The following CEP162 variants were observed in gnomAD, a reference collection of about 807,000 sequenced individuals.
CEP162 encodes centrosomal protein 162.
Under a neutral mutation model 169.2 loss-of-function variants are expected in CEP162, and 141 were observed. The ratio of observed to expected loss-of-function variants is 0.83; its 90% CI spans 0.73 to 0.96. The LOEUF (loss-of-function observed/expected upper bound fraction) is 0.96, where lower values mean the gene tolerates loss of function less well. Among genes scored for constraint, CEP162 ranks in the 40% least tolerant of loss-of-function variants. The pLI, the probability that CEP162 is intolerant of heterozygous loss-of-function variation, is 0.00. For synonymous variants in CEP162, 540 were observed against 526.4 expected, an observed-to-expected ratio of 1.03 and a Z score of -0.35; for missense variants, 1,600 against 1,587.2, an observed-to-expected ratio of 1.01 and a Z score of -0.14.
chr6:84,185,480 CTAAA>C (rs773055015), intron 12 of CEP162, 32 bp from the exon 13 acceptor site: 4 of 1,547,202 alleles, frequency 2.6e-6, no homozygotes, highest in South Asian at 1.2e-5. Flanking sequence ...TCTTTAGTAC[CTAAA>C]TAAACTTTAA....
intron 22 of CEP162, among the ~76,000 whole-genome samples, 167 bp downstream of exon 22, chr6:84,155,131 C>G (rs186544412): frequency 3.0e-4 from 46 of 152,206 alleles, no homozygotes; most frequent in African/African-American, 1.0e-3. Context: ...TGCTGAAAGA[C>G]GACACCAAAA....
intron 4 of CEP162, 26 bp downstream of exon 4, chr6:84,215,750 C>A: frequency 1.3e-6 from 2 of 1,553,172 alleles, no homozygotes; most frequent in South Asian, 1.2e-5. Context: ...AATAATTTAC[C>A]AACTCATATC....
At chr6:84,204,263 A>T (rs1455852562) in intron 6 of CEP162, among the ~76,000 whole-genome samples, 167 bp from the exon 7 acceptor site, 2 of 152,244 alleles carry the variant, frequency 1.3e-5, no homozygotes, top group Non-Finnish European at 2.9e-5. Context: ...AGCCCAAATC[A>T]ACAGGATATA....
At chr6:84,197,825 C>CAAA (rs564556727) in intron 9 of CEP162, among the ~76,000 whole-genome samples, 5 of 64,176 alleles carry the variant, frequency 7.8e-5, no homozygotes, top group African/African-American at 2.1e-4. Flanking sequence ...TCAAACAAAA[C>CAAA]AAAAAAAAAA....
Position 84,186,563 on chromosome 6 carries a change from C to A in CEP162, c.1170G>T (p.Met390Ile). Residue 390 changes from methionine (M) to isoleucine (I), a missense_variant, in exon 12 of 27, where the codon ATG becomes ATT. By Grantham distance (10) the Met-to-Ile change is conservative. Coordinates refer to ENST00000403245, the MANE Select transcript of CEP162 (RefSeq NM_014895.4). ...TEFFSSLPLK[M>I]NPNILSQDSQ... ...AGTCTTGAGACAAAATATTTGGGTTCATCTTCAGGGGTAAAGAGCTAAAAA... is the reference window on the plus strand; with the variant it reads ...AGTCTTGAGACAAAATATTTGGGTTAATCTTCAGGGGTAAAGAGCTAAAAA... The A allele has an allele frequency of 6.2e-7, 1 of 1,612,368 alleles. No individual in the cohort carries two copies. Among genetic ancestry groups the A allele is most frequent in the South Asian group, 1.1e-5 (1 of 90,872 alleles).
chr6:84,215,519 G>C, intron 4 of CEP162, 54 bp from the exon 5 acceptor site: 2 of 1,328,214 alleles, frequency 1.5e-6, no homozygotes, highest in Non-Finnish European at 2.0e-6. Flanking sequence ...TGAAAACATT[G>C]ATTTGAATGA....
chr6:84,226,502 G>A, intron 1 of CEP162, 50 bp from the exon 2 acceptor site: 1 of 801,086 alleles, frequency 1.2e-6, no homozygotes, highest in Non-Finnish European at 2.0e-6. Context: ...ATCAGATCAT[G>A]AACACGACCA....
At chr6:84,211,902 A>T (rs1257797555) in intron 6 of CEP162, among the ~76,000 whole-genome samples, 1 of 151,966 alleles carries the variant, frequency 6.6e-6, no homozygotes, top group Non-Finnish European at 1.5e-5. Context: ...TGCCAAAAAA[A>T]AAAAAGGATA....
intron 20 of CEP162, among the ~76,000 whole-genome samples, chr6:84,161,248 CAG>C (rs1301505362): frequency 2.0e-5 from 3 of 152,022 alleles, no homozygotes; most frequent in African/African-American, 7.2e-5. Context: ...GAAAATAAAA[CAG>C]AGTGAAGGGA....
At chr6:84,135,589 G>A (rs1342170087) in intron 25 of CEP162, among the ~76,000 whole-genome samples, 3 of 152,020 alleles carry the variant, frequency 2.0e-5, no homozygotes, top group South Asian at 2.1e-4. Context: ...TGGGCTGGTC[G>A]TGGTGGCTCA....
chr6:84,172,823 A>T (rs1166361205), intron 16 of CEP162, among the ~76,000 whole-genome samples: 1 of 152,174 alleles, frequency 6.6e-6, no homozygotes, highest in Non-Finnish European at 1.5e-5. Flanking sequence ...TTGTCAAAAG[A>T]GAAGAATGTA....
At chr6:84,130,010 T>G (rs1053920753) in intron 25 of CEP162, among the ~76,000 whole-genome samples, 2 of 152,194 alleles carry the variant, frequency 1.3e-5, no homozygotes, top group Non-Finnish European at 2.9e-5. Context: ...TTGTCATAAA[T>G]AGCTATTATT....
At chr6:84,128,470 GATTA>G (rs2099509827) in intron 25 of CEP162, among the ~76,000 whole-genome samples, 1 of 152,218 alleles carries the variant, frequency 6.6e-6, no homozygotes, top group Admixed American at 6.5e-5. Flanking sequence ...AATTAGTAAT[GATTA>G]ATAAGAGCCT....
At chr6:84,192,224 T>C (rs1370033505) in intron 11 of CEP162, among the ~76,000 whole-genome samples, 1 of 152,236 alleles carries the variant, frequency 6.6e-6, no homozygotes, top group Non-Finnish European at 1.5e-5. Flanking sequence ...AATTTTTAGG[T>C]ATGTGTACTA....
intron 19 of CEP162, 46 bp from the exon 20 acceptor site, chr6:84,161,955 T>C: frequency 8.5e-7 from 1 of 1,182,794 alleles, no homozygotes; most frequent in South Asian, 1.4e-5. Flanking sequence ...TTCTCCAAAA[T>C]ATGGAAATAA....
At chr6:84,152,450 G>A (rs915739518) in intron 23 of CEP162, 95 bp downstream of exon 23, 38 of 624,604 alleles carry the variant, frequency 6.1e-5, no homozygotes, top group African/African-American at 6.1e-4. Context: ...TTCAGTTCGG[G>A]GTCAAACTAA....
intron 2 of CEP162, among the ~76,000 whole-genome samples, chr6:84,223,764 G>A (rs373993528): frequency 6.6e-6 from 1 of 151,896 alleles, no homozygotes; most frequent in Non-Finnish European, 1.5e-5. Context: ...AAAATTAGCT[G>A]GGCGTGGTGG....
At chr6:84,133,837 C>A (rs146349256) in intron 25 of CEP162, among the ~76,000 whole-genome samples, 1 of 152,160 alleles carries the variant, frequency 6.6e-6, no homozygotes, top group African/African-American at 2.4e-5. Context: ...CCCTGCCCTG[C>A]TTCGGCTCAC....
intron 3 of CEP162, among the ~76,000 whole-genome samples, chr6:84,220,465 A>T (rs1319937439): frequency 1.3e-5 from 2 of 152,122 alleles, no homozygotes; most frequent in Non-Finnish European, 2.9e-5. Context: ...CTCTACAAGA[A>T]ATAAAAAAAA....
Sources: allele counts gnomAD v4.1 joint callset (sites outside exome capture counted in the v4.1 genomes callset), GRCh38; gene constraint gnomAD v4.1.1; transcripts MANE v1.5; gene names NCBI Gene and HGNC (gene_info 2026-07-23, HGNC 2026-07-21).